DCLK2: variants seen among roughly 807,000 people sequenced by gnomAD.
DCLK2 encodes the protein serine/threonine-protein kinase DCLK2.
In DCLK2, 31 loss-of-function variants were observed where a neutral mutation model predicts 78.4. The ratio of observed to expected loss-of-function variants is 0.40; its 90% CI spans 0.30 to 0.53. The LOEUF is 0.53. Among genes scored for constraint, DCLK2 ranks in the 20% least tolerant of loss-of-function variants. The pLI is 0.61. For missense variants in DCLK2, 872 were observed against 973.7 expected, an observed-to-expected ratio of 0.90 and a Z score of 1.39; for synonymous variants, 407 against 374.9, an observed-to-expected ratio of 1.09 and a Z score of -0.99.
intron 2 of DCLK2, among the ~76,000 whole-genome samples, chr4:150,114,734 A>C (rs1465277361): frequency 6.6e-6 from 1 of 152,216 alleles, no homozygotes; most frequent in Non-Finnish European, 1.5e-5. Context: ...TTTGGCTTAT[A>C]AGGTTTCTGC....
chr4:150,085,503 C>T (rs1729576684), intron 1 of DCLK2, among the ~76,000 whole-genome samples: 1 of 152,242 alleles, frequency 6.6e-6, no homozygotes, highest in African/African-American at 2.4e-5. Context: ...TTAATCCATT[C>T]TTGAGGGTGG....
At chr4:150,130,312 A>G (rs763726429) in intron 2 of DCLK2, among the ~76,000 whole-genome samples, 1 of 152,108 alleles carries the variant, frequency 6.6e-6, no homozygotes, top group Admixed American at 6.5e-5. Flanking sequence ...GGATACTACT[A>G]GCCAGCCAGA....
At chr4:150,139,025 A>T (rs1488714067) in intron 2 of DCLK2, among the ~76,000 whole-genome samples, 1 of 151,958 alleles carries the variant, frequency 6.6e-6, no homozygotes, top group Non-Finnish European at 1.5e-5. Flanking sequence ...TGTAAGAAAG[A>T]AAATAATACA....
chr4:150,171,843 G>T (rs1736555462), intron 2 of DCLK2, among the ~76,000 whole-genome samples: 1 of 152,212 alleles, frequency 6.6e-6, no homozygotes, highest in Non-Finnish European at 1.5e-5. Context: ...CCCTCACACT[G>T]GCTGGTCTAC....
chr4:150,091,608 T>C (rs1278365345), intron 1 of DCLK2, among the ~76,000 whole-genome samples: 1 of 152,230 alleles, frequency 6.6e-6, no homozygotes, highest in African/African-American at 2.4e-5. Context: ...AGTTTGTAAT[T>C]ACAAACTAGT....
chr4:150,194,757 T>C (rs1738739105), intron 3 of DCLK2, among the ~76,000 whole-genome samples: 1 of 152,108 alleles, frequency 6.6e-6, no homozygotes. Context: ...AGGTAGACAG[T>C]AAACCACTTC....
intron 2 of DCLK2, among the ~76,000 whole-genome samples, chr4:150,178,360 G>A (rs1460778370): frequency 6.6e-6 from 1 of 152,200 alleles, no homozygotes; most frequent in Non-Finnish European, 1.5e-5. Context: ...AAATTTAATT[G>A]TGGTGTATGC....
intron 2 of DCLK2, among the ~76,000 whole-genome samples, chr4:150,133,515 T>G (rs1382620221): frequency 6.6e-6 from 1 of 152,190 alleles, no homozygotes; most frequent in Non-Finnish European, 1.5e-5. Context: ...CATGGCAAAG[T>G]AAGTTTACTG....
At chr4:150,239,907 T>G (rs1742780785) in intron 11 of DCLK2, 32 bp downstream of exon 11, 1 of 1,609,268 alleles carries the variant, frequency 6.2e-7, no homozygotes, top group African/African-American at 1.3e-5. Context: ...GTTAGTACTT[T>G]AACTTTGATG....
chr4:150,145,858 A>G (rs1734433031), intron 2 of DCLK2, among the ~76,000 whole-genome samples: 1 of 152,240 alleles, frequency 6.6e-6, no homozygotes, highest in Admixed American at 6.5e-5. Context: ...ATAGTTATGG[A>G]ATGACTCTCA....
chr4:150,080,230 A>G (rs1251626891), intron 1 of DCLK2, among the ~76,000 whole-genome samples: 5 of 152,014 alleles, frequency 3.3e-5, no homozygotes, highest in African/African-American at 1.2e-4. Context: ...CTTATCCTCT[A>G]ATAAGAGTAC....
chr4:150,193,403 T>G (rs1738618164), intron 3 of DCLK2, among the ~76,000 whole-genome samples, 163 bp downstream of exon 3: 1 of 152,044 alleles, frequency 6.6e-6, no homozygotes, highest in Non-Finnish European at 1.5e-5. Flanking sequence ...AAGAATAACA[T>G]GAAAGCATTT....
chr4:150,144,341 C>T (rs1216604004), intron 2 of DCLK2, among the ~76,000 whole-genome samples: 1 of 152,034 alleles, frequency 6.6e-6, no homozygotes, highest in African/African-American at 2.4e-5. Context: ...AATAGGGTGT[C>T]CTTTTCCCAT....
chr4:150,203,605 T>TTG (rs1739613375), intron 4 of DCLK2, among the ~76,000 whole-genome samples, 190 bp from the exon 5 acceptor site: 2 of 151,706 alleles, frequency 1.3e-5, no homozygotes, highest in African/African-American at 4.8e-5. Flanking sequence ...TCACTCTGTT[T>TTG]TTTTTTTTTT....
chr4:150,214,223 C>T (rs77792978), intron 5 of DCLK2, among the ~76,000 whole-genome samples: 3,072 of 152,316 alleles, frequency 0.02, 46 homozygotes, highest in Non-Finnish European at 0.033. Flanking sequence ...ACTTCATCCA[C>T]AGATGTTCTC....
chr4:150,200,363 C>A (rs945944025), intron 4 of DCLK2, among the ~76,000 whole-genome samples: 1 of 152,106 alleles, frequency 6.6e-6, no homozygotes, highest in Non-Finnish European at 1.5e-5. Context: ...AGAAAATGAT[C>A]TTTTTTATAA....
chr4:150,152,284 T>C (rs1232979980), intron 2 of DCLK2, among the ~76,000 whole-genome samples: 1 of 152,164 alleles, frequency 6.6e-6, no homozygotes, highest in Non-Finnish European at 1.5e-5. Flanking sequence ...GATTGATTGA[T>C]TGATTTTTTA....
intron 2 of DCLK2, among the ~76,000 whole-genome samples, chr4:150,179,752 A>G (rs1737367792): frequency 6.6e-6 from 1 of 152,216 alleles, no homozygotes; most frequent in Non-Finnish European, 1.5e-5. Flanking sequence ...TATGCCATTG[A>G]AAGTAATGAT....
intron 2 of DCLK2, among the ~76,000 whole-genome samples, chr4:150,150,065 T>G (rs542025348): frequency 6.6e-6 from 1 of 151,944 alleles, no homozygotes; most frequent in African/African-American, 2.4e-5. Flanking sequence ...GAGGTTATTT[T>G]CCCCCCCTCC....
Sources: gnomAD v4.1 joint callset for allele counts (sites outside exome capture counted in the v4.1 genomes callset) on GRCh38, gnomAD v4.1.1 for gene constraint, MANE v1.5 for transcripts, NCBI Gene and HGNC (gene_info 2026-07-23, HGNC 2026-07-21) for gene names.